Variants in RUNX1T1 observed in about 807,000 individuals in gnomAD.
RUNX1T1 encodes the protein protein CBFA2T1.
In RUNX1T1, 4 loss-of-function variants were observed where a neutral mutation model predicts 62.8. That is an observed-to-expected ratio of 0.06 (90% CI 0.03 to 0.15). The LOEUF (loss-of-function observed/expected upper bound fraction) is 0.15. Ranked by LOEUF, RUNX1T1 falls within the 10% of genes least tolerant of loss-of-function variation. The probability of loss-of-function intolerance (pLI) is 1.00; values close to 1 mark genes in which losing one functional copy is unlikely to be tolerated. For missense variants in RUNX1T1, 508 were observed against 754.3 expected (o/e 0.67, Z 3.82); for synonymous variants, 291 against 286.0 (o/e 1.02, Z -0.18).
At chr8:92,026,364 A>G (rs1003949443) in intron 1 of RUNX1T1, among the ~76,000 whole-genome samples, 1 of 152,272 alleles carries the variant, frequency 6.6e-6, no homozygotes, top group Non-Finnish European at 1.5e-5. Context: ...ACTGAGGCTC[A>G]GAGGGATTGA....
chr8:92,079,158 G>A (rs1214934409), intron 1 of RUNX1T1, among the ~76,000 whole-genome samples: 1 of 152,154 alleles, frequency 6.6e-6, no homozygotes, highest in Non-Finnish European at 1.5e-5. Context: ...TTCCAAAAAT[G>A]AGCATTTAAA....
intron 1 of RUNX1T1, among the ~76,000 whole-genome samples, chr8:92,029,330 C>T (rs76040881): frequency 0.014 from 2,082 of 152,054 alleles, 50 homozygotes; most frequent in African/African-American, 0.047. Flanking sequence ...GGCAACAGGG[C>T]AGGAGTACTG....
downstream of RUNX1T1, chr8:91,958,372 T>A (rs1457381038): frequency 5.1e-6 from 1 of 196,044 alleles, no homozygotes; most frequent in Non-Finnish European, 1.1e-5. Context: ...TGGAAAGTAG[T>A]ACTGGTGCTT....
intron 8 of RUNX1T1, among the ~76,000 whole-genome samples, chr8:91,983,038 C>T (rs1188509441): frequency 6.8e-6 from 1 of 147,300 alleles, no homozygotes; most frequent in African/African-American, 2.5e-5. Flanking sequence ...GGTGACTCTC[C>T]TGCCTCAGCC....
intron 2 of RUNX1T1, among the ~76,000 whole-genome samples, chr8:92,015,854 T>C (rs1409824265): frequency 6.6e-6 from 1 of 152,184 alleles, no homozygotes; most frequent in Non-Finnish European, 1.5e-5. Context: ...TGTCAAGAAA[T>C]GCCAGCTCAC....
At chr8:92,000,506 T>G (rs1332464319) in intron 5 of RUNX1T1, among the ~76,000 whole-genome samples, 3 of 152,138 alleles carry the variant, frequency 2.0e-5, no homozygotes, top group Non-Finnish European at 2.9e-5. Context: ...TTATACAAAT[T>G]TAATTCTTAT....
intron 1 of RUNX1T1, among the ~76,000 whole-genome samples, chr8:92,050,637 T>C (rs1226857159): frequency 6.6e-6 from 1 of 152,196 alleles, no homozygotes; most frequent in African/African-American, 2.4e-5. Context: ...AACAGACATT[T>C]TACTGATCTT....
chr8:91,994,913 A>G (rs1482339800), intron 5 of RUNX1T1, among the ~76,000 whole-genome samples: 1 of 152,256 alleles, frequency 6.6e-6, no homozygotes, highest in Admixed American at 6.5e-5. Context: ...TTCTATATTT[A>G]CAACTAAATG....
intron 10 of RUNX1T1, among the ~76,000 whole-genome samples, chr8:91,963,711 A>G (rs1298291184): frequency 6.6e-6 from 1 of 152,252 alleles, no homozygotes; most frequent in Non-Finnish European, 1.5e-5. Context: ...CCACGTGTCT[A>G]TCCACAAGGG....
At chr8:92,007,113 C>T (rs1038649622) in intron 4 of RUNX1T1, among the ~76,000 whole-genome samples, 1 of 152,104 alleles carries the variant, frequency 6.6e-6, no homozygotes, top group Non-Finnish European at 1.5e-5. Context: ...TACCTTGTGT[C>T]ATAAAATAAT....
intron 8 of RUNX1T1, among the ~76,000 whole-genome samples, chr8:91,979,589 A>G (rs546289980): frequency 6.6e-6 from 1 of 151,778 alleles, no homozygotes; most frequent in South Asian, 2.1e-4. Context: ...TTGCTTTGGG[A>G]TGCAAATTGC....
At chr8:92,028,385 A>G (rs1360432313) in intron 1 of RUNX1T1, among the ~76,000 whole-genome samples, 1 of 152,110 alleles carries the variant, frequency 6.6e-6, no homozygotes, top group Non-Finnish European at 1.5e-5. Context: ...TGTATGTCTA[A>G]GTCCTTCAGA....
intron 4 of RUNX1T1, chr8:92,010,029 T>C (rs1318674496): frequency 6.6e-6 from 1 of 152,196 alleles, no homozygotes; most frequent in Non-Finnish European, 1.5e-5. Flanking sequence ...TCTGGATACT[T>C]ACTTGAACCT....
chr8:92,095,139 T>C (rs1009425578), intron 1 of RUNX1T1: 1 of 1,535,538 alleles, frequency 6.5e-7, no homozygotes, highest in South Asian at 1.2e-5. Flanking sequence ...TTTCTCACTC[T>C]GCTAATCTTT....
chr8:91,969,184 A>C (rs1225251579), intron 10 of RUNX1T1, among the ~76,000 whole-genome samples: 1 of 152,244 alleles, frequency 6.6e-6, no homozygotes, highest in Non-Finnish European at 1.5e-5. Flanking sequence ...ATAATGCTAA[A>C]TATTGGTGTC....
At chr8:92,027,977 G>C (rs995514818) in intron 1 of RUNX1T1, among the ~76,000 whole-genome samples, 1 of 150,864 alleles carries the variant, frequency 6.6e-6, no homozygotes, top group Non-Finnish European at 1.5e-5. Context: ...TTCGTGAACA[G>C]AGATTTTTCT....
chr8:91,984,240 C>T (rs985653778), intron 8 of RUNX1T1, among the ~76,000 whole-genome samples: 2 of 152,102 alleles, frequency 1.3e-5, no homozygotes, highest in Admixed American at 1.3e-4. Flanking sequence ...AACCTCTCTT[C>T]CTGGAGAACA....
intron 8 of RUNX1T1, among the ~76,000 whole-genome samples, chr8:91,976,456 T>C (rs1324556426): frequency 6.7e-6 from 1 of 148,976 alleles, no homozygotes; most frequent in Non-Finnish European, 1.5e-5. Flanking sequence ...TTCTCATACT[T>C]AATTCTTAAA....
intron 1 of RUNX1T1, among the ~76,000 whole-genome samples, chr8:92,036,343 A>G (rs188384762): frequency 6.6e-6 from 1 of 152,222 alleles, no homozygotes; most frequent in Admixed American, 6.5e-5. Context: ...AGTGTTCTCA[A>G]TTTTCTAAGT....
Sources: gnomAD v4.1 joint callset for allele counts (sites outside exome capture counted in the v4.1 genomes callset) on GRCh38, gnomAD v4.1.1 for gene constraint, MANE v1.5 for transcripts, NCBI Gene and HGNC (gene_info 2026-07-23, HGNC 2026-07-21) for gene names.